Variants in DAO observed in about 807,000 individuals in gnomAD.
The protein encoded by DAO is D-amino-acid oxidase.
DAO carries 51 observed loss-of-function variants against 50.1 expected under a neutral mutation model. That is an observed-to-expected ratio of 1.02 (90% CI 0.81 to 1.29). DAO has a LOEUF of 1.29. Among genes scored for constraint, DAO ranks in the 50% most tolerant of loss-of-function variants. DAO has a pLI of 0.00. For missense variants in DAO, 436 were observed against 439.4 expected (o/e 0.99, Z 0.07); for synonymous variants, 160 against 166.2 (o/e 0.96, Z 0.29).
chr12:108,892,609 A>G (rs1056226699), intron 5 of DAO, among the ~76,000 whole-genome samples: 1 of 151,922 alleles, frequency 6.6e-6, no homozygotes, highest in Non-Finnish European at 1.5e-5. Context: ...CCCCTTCTCT[A>G]CTCTGAATCT....
intron 3 of DAO, 121 bp from the exon 4 acceptor site, chr12:108,889,348 G>C: frequency 1.5e-6 from 1 of 667,012 alleles, no homozygotes; most frequent in Admixed American, 1.9e-5. Context: ...GACCTCAGGT[G>C]ATCCACCCAT....
At chr12:108,887,831 C>G (rs1415324495) in intron 3 of DAO, among the ~76,000 whole-genome samples, 1 of 152,194 alleles carries the variant, frequency 6.6e-6, no homozygotes, top group Admixed American at 6.5e-5. Context: ...GGCTAAAATA[C>G]AAACATGTTC....
rs376433124 is a variant in DAO, at chr12:108,899,456, C to T, written c.893C>T (p.Thr298Ile). ...CGGCTAGAAAGAGAACAGCTTCGCA[C>T]TGGACCTTCAAACACAGAGGTATGC... ...QIRLEREQLRTGPSNTEVIHN... is the reference protein window; with the variant it reads ...QIRLEREQLRIGPSNTEVIHN... Residue 298 changes from threonine to isoleucine, a missense_variant, in exon 10 of 11, where the codon ACT (threonine) becomes ATT (isoleucine). Transcript: ENST00000228476. The T allele has an allele frequency of 1.7e-5, 27 of 1,613,524 alleles. No individual in the cohort carries two copies. The Admixed American group carries it at 4.3e-4, about 26-fold the overall frequency.
At chr12:108,885,283 C>G in intron 2 of DAO, 83 bp downstream of exon 2, 1 of 1,348,562 alleles carries the variant, frequency 7.4e-7, no homozygotes, top group Non-Finnish European at 1.0e-6. Flanking sequence ...TCACCAAGAG[C>G]AAGCCCCTTG....
At chr12:108,890,427 G>T (rs867114742) in intron 5 of DAO, among the ~76,000 whole-genome samples, 154 bp downstream of exon 5, 3 of 152,160 alleles carry the variant, frequency 2.0e-5, no homozygotes, top group Admixed American at 2.0e-4. Flanking sequence ...CCTGATCACC[G>T]CTGGGCACAG....
chr12:108,898,482 T>C (rs974712050), intron 8 of DAO, 197 bp from the exon 9 acceptor site: 2 of 630,438 alleles, frequency 3.2e-6, no homozygotes, highest in Admixed American at 2.2e-5. Flanking sequence ...GCAAAGACAA[T>C]GTTGTTGATG....
chr12:108,881,608 T>TTC lies in DAO; in HGVS notation c.-10+1385_-10+1386insCT, dbSNP rs2039381770. ...ACACTTTTTTCCTTTTAAATTTTTT[T>TTC]TTTTTTTTTTTTTTTGACAGAGTTT... On this transcript the variant is annotated intron_variant, in intron 1 of 10. Transcript: ENST00000228476. Among the ~76,000 whole-genome samples, 7 of 148,644 alleles carry TTC rather than the reference T, an allele frequency of 4.7e-5. No homozygotes were observed. The South Asian group carries it at 8.6e-4, about 18-fold the overall frequency.
At chr12:108,882,954 A>T (rs2039396480) in intron 1 of DAO, among the ~76,000 whole-genome samples, 1 of 152,060 alleles carries the variant, frequency 6.6e-6, no homozygotes, top group Admixed American at 6.6e-5. Context: ...TGGAGGTGGC[A>T]GTGAGCTATG....
At chr12:108,895,134 G>A (rs969729739) in intron 7 of DAO, among the ~76,000 whole-genome samples, 4 of 152,198 alleles carry the variant, frequency 2.6e-5, no homozygotes, top group African/African-American at 9.7e-5. Context: ...ACAGGCACAA[G>A]TTCACACGGT....
intron 6 of DAO, 125 bp downstream of exon 6, chr12:108,893,161 T>G (rs2039510712): frequency 2.5e-6 from 2 of 808,890 alleles, no homozygotes; most frequent in South Asian, 2.9e-5. Context: ...CTCAGACCCT[T>G]GCCCCAGAAG....
rs916063170 is a variant in DAO, at chr12:108,891,516, A to AT, written c.452+1251dup. ...GGCTTTTATCAGATGACCTCAGAAG[A>AT]TTTTTTTTAAATGTAGATTTTAGGA... is the stretch of plus-strand genomic sequence containing the variant. On this transcript the variant is annotated intron_variant, in intron 5 of 10. Transcript: ENST00000228476. 4.6e-5 allele frequency among the ~76,000 whole-genome samples: 7 copies of AT among 151,866 alleles called. 1 individual carries two copies. The highest frequency in any genetic ancestry group is 3.4e-3 in the Middle Eastern group (1 of 294).
intron 10 of DAO, chr12:108,899,857 C>A (rs1007601705): frequency 9.1e-6 from 3 of 330,246 alleles, no homozygotes; most frequent in Admixed American, 4.4e-5. Context: ...GTCTCATTGG[C>A]AATATTAATC....
chr12:108,885,015 G>A lies in DAO; in HGVS notation c.9G>A (p.Val3=). ...TCCCACAGGCTGCTGCAATGCGTGT[G>A]GTGGTGATTGGAGCAGGAGTCATCG... The part of the protein sequence containing the change: MR[V]VVIGAGVIGL... Residue 3 remains valine (V), a synonymous_variant, in exon 2 of 11, where the codon GTG becomes GTA. Coordinates refer to ENST00000228476, the MANE Select transcript of DAO (RefSeq NM_001917.5). 2 of 1,614,150 alleles carry A rather than the reference G, an allele frequency of 1.2e-6. No homozygotes were observed. Among genetic ancestry groups the A allele is most frequent in the Non-Finnish European group, 1.7e-6 (2 of 1,180,000 alleles).
intron 1 of DAO, among the ~76,000 whole-genome samples, chr12:108,882,131 G>A (rs188233558): frequency 6.6e-6 from 1 of 152,138 alleles, no homozygotes; most frequent in Non-Finnish European, 1.5e-5. Flanking sequence ...GGCTGGCCTG[G>A]GCTCTGCCTC....
intron 7 of DAO, among the ~76,000 whole-genome samples, chr12:108,895,641 T>C (rs2039545079): frequency 7.3e-6 from 1 of 137,882 alleles, no homozygotes; most frequent in African/African-American, 2.7e-5. Flanking sequence ...TGTGTGAGGG[T>C]ATGTGTGTGC....
Position 108,893,049 on chromosome 12 carries a change from G to A in DAO, c.507+13G>A. On this transcript the variant is annotated intron_variant, in intron 6 of 10. Coordinates refer to ENST00000228476, the MANE Select transcript of DAO (RefSeq NM_001917.5). ...GTCTTTTGAGGAGGTGAGTTGCAGGGCTGATGCGGTGGATGGGGCAGGGAG... is the reference window on the plus strand; with the variant it reads ...GTCTTTTGAGGAGGTGAGTTGCAGGACTGATGCGGTGGATGGGGCAGGGAG... 4 of 1,612,618 alleles carry A rather than the reference G, an allele frequency of 2.5e-6. No individual in the cohort carries two copies. The highest frequency in any genetic ancestry group is 3.4e-6 in the Non-Finnish European group (4 of 1,179,038).
rs1322557628 is a variant in DAO at position 108,889,472 on chromosome 12, C to A, written c.313C>A (p.Pro105Thr). 3 of 1,611,096 alleles carry A rather than the reference C, an allele frequency of 1.9e-6. No individual in the cohort carries two copies. The highest frequency in any genetic ancestry group is 4.5e-5 in the East Asian group (2 of 44,746). Residue 105 changes from proline to threonine, a missense_variant, in exon 4 of 11, where the codon CCT becomes ACT. Pro to Thr is a conservative substitution (Grantham distance 38). Coordinates refer to ENST00000228476, the MANE Select transcript of DAO (RefSeq NM_001917.5). Reference protein sequence around the residue: ...YNLFHEAIPDPSWKDTVLGFR... With the variant: ...YNLFHEAIPDTSWKDTVLGFR... ...CCCCTTTGTCCTTCCTCTTCAGGACCCTTCCTGGAAGGACACAGTTCTGGG... is the reference window on the plus strand; with the variant it reads ...CCCCTTTGTCCTTCCTCTTCAGGACACTTCCTGGAAGGACACAGTTCTGGG...
At chr12:108,883,638 G>A (rs960244394) in intron 1 of DAO, 11 of 456,520 alleles carry the variant, frequency 2.4e-5, no homozygotes, top group Non-Finnish European at 4.8e-5. Flanking sequence ...TTTTGCAGAT[G>A]AAGAGCTTGT....
chr12:108,900,230 A>G, intron 10 of DAO, 174 bp from the exon 11 acceptor site: 7 of 686,206 alleles, frequency 1.0e-5, no homozygotes, highest in Non-Finnish European at 1.7e-5. Context: ...ATCTCTTGCA[A>G]CTGTTCCAGG....
Sources: gnomAD v4.1 joint callset for allele counts (sites outside exome capture counted in the v4.1 genomes callset) on GRCh38, gnomAD v4.1.1 for gene constraint, MANE v1.5 for transcripts, NCBI Gene and HGNC (gene_info 2026-07-23, HGNC 2026-07-21) for gene names.